Variants in COL23A1 observed in about 807,000 individuals in gnomAD.
The protein encoded by COL23A1 is collagen alpha-1(XXIII) chain.
Under a neutral mutation model 99.3 loss-of-function variants are expected in COL23A1, and 97 were observed. The observed-to-expected ratio is 0.98, with a 90% CI of 0.83 to 1.16. The LOEUF (loss-of-function observed/expected upper bound fraction) is 1.16. Ranked by LOEUF, COL23A1 falls within the 50% of genes most tolerant of loss-of-function variation. The pLI is 0.00. For missense variants in COL23A1, 762 were observed against 757.4 expected (o/e 1.01, Z -0.07); for synonymous variants, 320 against 308.2 (o/e 1.04, Z -0.40).
intron 2 of COL23A1, among the ~76,000 whole-genome samples, chr5:178,502,612 T>C (rs1758630333): frequency 6.6e-6 from 1 of 152,186 alleles, no homozygotes; most frequent in Admixed American, 6.5e-5. Context: ...AAGAAGTTCA[T>C]CCACATCAAG....
chr5:178,521,036 G>A (rs1418045341), intron 2 of COL23A1, among the ~76,000 whole-genome samples: 2 of 152,146 alleles, frequency 1.3e-5, no homozygotes, highest in Non-Finnish European at 2.9e-5. Context: ...TGGGCTACGT[G>A]GTGTAGCCTA....
chr5:178,485,779 C>CGA (rs1757592739), intron 2 of COL23A1, among the ~76,000 whole-genome samples: 1 of 99,374 alleles, frequency 1.0e-5, no homozygotes, highest in African/African-American at 4.1e-5. Context: ...GACTCCATCT[C>CGA]AAAAAAAAAA....
At chr5:178,487,724 T>C (rs2127963572) in intron 2 of COL23A1, among the ~76,000 whole-genome samples, 1 of 152,208 alleles carries the variant, frequency 6.6e-6, no homozygotes, top group Non-Finnish European at 1.5e-5. Flanking sequence ...CAGAGAAACT[T>C]CAGTTTAGCT....
In COL23A1 at chr5:178,472,506, C is replaced by G. The variant is rs182766846; in HGVS notation, c.361+88176G>C. ...AAATGCTTCCCAGCTATTTCTGATG[C>G]ACAGTCAGATATGGCTTATACATTA... is the stretch of plus-strand genomic sequence containing the variant. On this transcript the variant is annotated intron_variant, in intron 2 of 28. Transcript: ENST00000390654. 2.5e-3 allele frequency among the ~76,000 whole-genome samples: 386 copies of G among 152,268 alleles called. 1 individual carries two copies. Among genetic ancestry groups the G allele is most frequent in the Non-Finnish European group, 2.7e-3 (185 of 68,016 alleles).
intron 2 of COL23A1, among the ~76,000 whole-genome samples, chr5:178,458,408 G>A (rs369698594): frequency 1.6e-4 from 25 of 152,170 alleles, no homozygotes; most frequent in East Asian, 1.5e-3. Context: ...TTGGGAGGCC[G>A]GGTGGATCAC....
At position 178,312,388 on chromosome 5, in the gene COL23A1, C is replaced by A. The variant is rs546614924; in HGVS notation, c.362-5469G>T. 3.3e-5 allele frequency among the ~76,000 whole-genome samples: 5 copies of A among 152,296 alleles called. No homozygotes were observed. The South Asian group carries it at 1.0e-3, about 32-fold the overall frequency. On this transcript the variant is annotated intron_variant, in intron 2 of 28. Transcript: ENST00000390654. Reference sequence around the variant, plus strand: ...AGCACAGTAAACAACTCCAGGGAGGCCTACGGCTTTCTCAGCACTGTTGGA... The same window carrying A: ...AGCACAGTAAACAACTCCAGGGAGGACTACGGCTTTCTCAGCACTGTTGGA...
chr5:178,262,116 G>T, intron 10 of COL23A1, 101 bp downstream of exon 10: 1 of 1,273,052 alleles, frequency 7.9e-7, no homozygotes, highest in East Asian at 2.5e-5. Context: ...ACATAAACAT[G>T]TGCGCGTGAC....
intron 2 of COL23A1, among the ~76,000 whole-genome samples, chr5:178,549,432 A>G (rs1249533742): frequency 6.6e-6 from 1 of 152,238 alleles, no homozygotes; most frequent in African/African-American, 2.4e-5. Flanking sequence ...AAACATGCAG[A>G]AAAAGTATAG....
rs759874880 is a variant in COL23A1 at position 178,589,870 on chromosome 5, CA to C, written c.294+33del. 100 of 1,287,562 alleles carry C rather than the reference CA, an allele frequency of 7.8e-5. 1 individual carries two copies. The African/African-American group carries it at 1.4e-3, about 18-fold the overall frequency. The allele number at this position is 1,287,562 out of a possible 1,614,324, so 79.8% of individuals were successfully genotyped here. On this transcript the variant is annotated intron_variant, in intron 1 of 28. Coordinates refer to ENST00000390654, the MANE Select transcript of COL23A1 (RefSeq NM_173465.4). The surrounding 1 kb of genome is among the most constrained non-coding windows in gnomAD (Gnocchi z 5.4). Reference sequence around the variant, plus strand: ...ACCGCCACCCTCAACCCGACACACCCAAGTCCGCCCCAGCCACGCGCCAAGA... The same window carrying C: ...ACCGCCACCCTCAACCCGACACACCCAGTCCGCCCCAGCCACGCGCCAAGA...
chr5:178,525,648 GGC>G lies in COL23A1; in HGVS notation c.361+35032_361+35033del, dbSNP rs1422615848. ...TAAGCTCACATGGCTGGTAAGAAAT[GGC>G]GACACAGCGCGCAGACCCCAGGACC... On this transcript the variant is annotated intron_variant, in intron 2 of 28. Transcript: ENST00000390654. Among the ~76,000 whole-genome samples, 27 of 44,744 alleles carry G rather than the reference GGC, an allele frequency of 6.0e-4. 1 individual carries two copies. Among genetic ancestry groups the G allele is most frequent in the Non-Finnish European group, 8.9e-4 (21 of 23,488 alleles). 29.4% of individuals were successfully genotyped at this position (44,744 alleles called of 152,430 possible).
At chr5:178,451,068 T>C (rs1767460028) in intron 2 of COL23A1, among the ~76,000 whole-genome samples, 1 of 152,214 alleles carries the variant, frequency 6.6e-6, no homozygotes, top group African/African-American at 2.4e-5. Flanking sequence ...AACTCAATTA[T>C]CAACTTCTAT....
At chr5:178,357,989 TGC>T (rs1353735507) in intron 2 of COL23A1, among the ~76,000 whole-genome samples, 2 of 150,782 alleles carry the variant, frequency 1.3e-5, no homozygotes, top group Non-Finnish European at 2.9e-5. Flanking sequence ...TATGTGTGTA[TGC>T]GTGTGTGTAT....
At chr5:178,288,298 G>T in intron 5 of COL23A1, 26 bp downstream of exon 5, 1 of 1,529,466 alleles carries the variant, frequency 6.5e-7, no homozygotes, top group Non-Finnish European at 8.9e-7. Context: ...AGGGTGAAGA[G>T]AGCAAAAAAA....
chr5:178,437,640 C>A (rs1271308580), intron 2 of COL23A1, among the ~76,000 whole-genome samples: 3 of 152,166 alleles, frequency 2.0e-5, no homozygotes, highest in Admixed American at 1.3e-4. Context: ...TTCTCAGGGC[C>A]CAGGCCCTGA....
intron 24 of COL23A1, 105 bp from the exon 25 acceptor site, chr5:178,246,073 G>A (rs1764677017): frequency 7.1e-7 from 1 of 1,407,922 alleles, no homozygotes. Flanking sequence ...TGGGGGCAAG[G>A]AGACCCACCA....
intron 2 of COL23A1, among the ~76,000 whole-genome samples, chr5:178,466,291 C>T (rs915564413): frequency 5.9e-5 from 9 of 152,192 alleles, no homozygotes; most frequent in African/African-American, 1.4e-4. Flanking sequence ...CACAGAGCAG[C>T]GCTTGCTAGC....
At chr5:178,273,604 C>A (rs1408410002) in intron 5 of COL23A1, among the ~76,000 whole-genome samples, 1 of 152,238 alleles carries the variant, frequency 6.6e-6, no homozygotes, top group African/African-American at 2.4e-5. Flanking sequence ...TTCTCGGAAG[C>A]CGAGCCTGTG....
intron 3 of COL23A1, among the ~76,000 whole-genome samples, chr5:178,292,125 G>A (rs1043301895): frequency 3.3e-5 from 5 of 151,910 alleles, no homozygotes; most frequent in South Asian, 2.1e-4. Flanking sequence ...TACCTCCCCC[G>A]TGCCTGCGCC....
chr5:178,288,202 G>T, intron 5 of COL23A1, 122 bp downstream of exon 5: 1 of 923,830 alleles, frequency 1.1e-6, no homozygotes, highest in South Asian at 1.3e-5. Context: ...TCCACAGAAA[G>T]ACCACGGCTG....
Sources: allele counts gnomAD v4.1 joint callset (sites outside exome capture counted in the v4.1 genomes callset), GRCh38; gene constraint gnomAD v4.1.1; non-coding constraint Gnocchi (gnomAD v3.1); transcripts MANE v1.5; gene names NCBI Gene and HGNC (gene_info 2026-07-23, HGNC 2026-07-21).